ITPR2: variants seen among roughly 807,000 people sequenced by gnomAD.
ITPR2 encodes the protein inositol 1,4,5-trisphosphate receptor type 2.
Under a neutral mutation model 317.1 loss-of-function variants are expected in ITPR2, and 207 were observed. That is an observed-to-expected ratio of 0.65 (90% CI 0.58 to 0.73). The LOEUF is 0.73. Among genes scored for constraint, ITPR2 ranks in the 30% least tolerant of loss-of-function variants. The pLI is 0.00. For missense variants in ITPR2, 2,613 were observed against 3,284.0 expected, an observed-to-expected ratio of 0.80 and a Z score of 4.99; for synonymous variants, 1,156 against 1,149.1, an observed-to-expected ratio of 1.01 and a Z score of -0.12.
chr12:26,572,212 G>T (rs974241879), intron 34 of ITPR2, among the ~76,000 whole-genome samples: 1 of 152,114 alleles, frequency 6.6e-6, no homozygotes, highest in Non-Finnish European at 1.5e-5. Context: ...TAAAATGTCA[G>T]ACAGATCCCC....
intron 34 of ITPR2, among the ~76,000 whole-genome samples, chr12:26,565,527 T>TAGATAGACAGAC (rs368553155): frequency 3.0e-4 from 42 of 139,794 alleles, no homozygotes; most frequent in South Asian, 1.7e-3. Flanking sequence ...GATAGATAGA[T>TAGATAGACAGAC]AGACAGACAG....
intron 31 of ITPR2, 110 bp from the exon 32 acceptor site, chr12:26,595,700 G>A (rs577750278): frequency 1.2e-6 from 1 of 862,428 alleles, no homozygotes; most frequent in East Asian, 2.8e-5. Context: ...GTAGATCATA[G>A]CATAGTTTTG....
At chr12:26,482,979 T>C (rs1258945873) in intron 42 of ITPR2, among the ~76,000 whole-genome samples, 1 of 152,220 alleles carries the variant, frequency 6.6e-6, no homozygotes, top group Non-Finnish European at 1.5e-5. Context: ...GGTAGCTCCA[T>C]GATGCCTGAG....
At chr12:26,513,947 TC>T (rs34410163) in intron 37 of ITPR2, among the ~76,000 whole-genome samples, 80,813 of 152,020 alleles carry the variant, frequency 0.53, 22,260 homozygotes, top group South Asian at 0.65. Context: ...TTGTCATTTG[TC>T]CGTTTGTCCC....
Position 26,411,382 on chromosome 12 carries a change from G to A in ITPR2, c.7337C>T (p.Thr2446Ile). 3 of 1,613,490 alleles carry A rather than the reference G, an allele frequency of 1.9e-6. No homozygotes were observed. Among genetic ancestry groups the A allele is most frequent in the South Asian group, 2.2e-5 (2 of 91,084 alleles). ...GSHQVPTMTL[T>I]TMMEACAKEN... ...CTTGGCACATGCTTCCATCATGGTAGTTAAAGTCATAGTAGGCACTTGATG... is the reference window on the plus strand; with the variant it reads ...CTTGGCACATGCTTCCATCATGGTAATTAAAGTCATAGTAGGCACTTGATG... The change falls in exon 52 of 57, where the codon ACT becomes ATT. Residue 2446 changes from threonine to isoleucine, a missense_variant. This residue lies in a region of ITPR2 where 113 missense variants were observed against 129.2 expected (regional missense o/e 0.87). Coordinates refer to ENST00000381340, the MANE Select transcript of ITPR2 (RefSeq NM_002223.4).
At chr12:26,817,061 G>A (rs1334364697) in intron 1 of ITPR2, among the ~76,000 whole-genome samples, 4 of 151,428 alleles carry the variant, frequency 2.6e-5, no homozygotes, top group African/African-American at 9.7e-5. Context: ...TGCACCTGTA[G>A]TCCCAGCTAC....
chr12:26,413,089 A>T (rs1940601422), intron 51 of ITPR2, among the ~76,000 whole-genome samples: 1 of 152,174 alleles, frequency 6.6e-6, no homozygotes, highest in African/African-American at 2.4e-5. Context: ...GGTGTGGGTG[A>T]GAGAAACTGT....
chr12:26,629,023 C>T (rs1037190755), intron 22 of ITPR2, among the ~76,000 whole-genome samples: 20 of 152,132 alleles, frequency 1.3e-4, no homozygotes, highest in Admixed American at 1.3e-3. Context: ...ATTAATGGTG[C>T]CCCTACATTC....
chr12:26,767,482 ATG>A (rs1379401509), intron 2 of ITPR2, among the ~76,000 whole-genome samples: 32 of 152,352 alleles, frequency 2.1e-4, no homozygotes, highest in African/African-American at 7.7e-4. Flanking sequence ...TGTAAAATTG[ATG>A]TGTCACCACT....
At chr12:26,587,018 T>C (rs1332229663) in intron 32 of ITPR2, among the ~76,000 whole-genome samples, 1 of 151,548 alleles carries the variant, frequency 6.6e-6, no homozygotes, top group Non-Finnish European at 1.5e-5. Context: ...TTATTATATA[T>C]TAATATATTA....
At chr12:26,537,158 A>G (rs888029301) in intron 37 of ITPR2, among the ~76,000 whole-genome samples, 2 of 152,136 alleles carry the variant, frequency 1.3e-5, no homozygotes, top group Non-Finnish European at 2.9e-5. Context: ...TGGCAAGGCA[A>G]TGTCATGGTG....
chr12:26,396,981 TG>T (rs1165877212), intron 54 of ITPR2, among the ~76,000 whole-genome samples: 1 of 152,172 alleles, frequency 6.6e-6, no homozygotes, highest in Non-Finnish European at 1.5e-5. Flanking sequence ...CTAACTCTCC[TG>T]CTTTCATTAC....
At position 26,675,096 on chromosome 12, in the gene ITPR2, G is replaced by A. The variant is rs565026767; in HGVS notation, c.1409+6778C>T. On this transcript the variant is annotated intron_variant, in intron 13 of 56. Transcript: ENST00000381340. ...AAATAGGAACACTTTTACACTGTTG[G>A]TGGGACTGTAAACTAGTTCAACCAT... Among the ~76,000 whole-genome samples, 46 of 151,898 alleles carry A rather than the reference G, an allele frequency of 3.0e-4. 1 individual carries two copies. The highest frequency in any genetic ancestry group is 1.0e-3 in the African/African-American group (42 of 41,552).
rs1452098180 is a variant in ITPR2 at position 26,664,939 on chromosome 12, AAT to A, written c.1551+969_1551+970del. ...TATTTTCCTTTCCCAAATCAATAAG[AAT>A]ATGTGTATCAAGAACATGATTTTTA... On this transcript the variant is annotated intron_variant, in intron 14 of 56. Coordinates refer to ENST00000381340, the MANE Select transcript of ITPR2 (RefSeq NM_002223.4). Among the ~76,000 whole-genome samples, 6 of 152,324 alleles carry A rather than the reference AAT, an allele frequency of 3.9e-5. No homozygotes were observed. In the East Asian group the frequency reaches 9.6e-4, roughly 24 times the overall value.
intron 32 of ITPR2, among the ~76,000 whole-genome samples, chr12:26,587,636 G>A (rs563195584): frequency 6.6e-6 from 1 of 151,740 alleles, no homozygotes; most frequent in South Asian, 2.1e-4. Context: ...GTCACACAGG[G>A]GTTTTATTCT....
chr12:26,504,069 A>G (rs1399735990), intron 37 of ITPR2, among the ~76,000 whole-genome samples: 1 of 152,188 alleles, frequency 6.6e-6, no homozygotes, highest in Non-Finnish European at 1.5e-5. Flanking sequence ...GGTTTCAATC[A>G]CCCCTATTAC....
chr12:26,793,346 A>G (rs2137220658), intron 1 of ITPR2, among the ~76,000 whole-genome samples: 1 of 152,266 alleles, frequency 6.6e-6, no homozygotes, highest in Middle Eastern at 3.4e-3. Flanking sequence ...TGGCTGAATC[A>G]TTTGGGGAGT....
chr12:26,603,834 C>T (rs1285100289), intron 26 of ITPR2, among the ~76,000 whole-genome samples: 2 of 152,122 alleles, frequency 1.3e-5, no homozygotes, highest in African/African-American at 2.4e-5. Context: ...ATATGGAAAA[C>T]GGCAAGAACT....
intron 2 of ITPR2, among the ~76,000 whole-genome samples, chr12:26,758,492 C>T (rs978839077): frequency 2.0e-5 from 3 of 152,174 alleles, no homozygotes; most frequent in Non-Finnish European, 4.4e-5. Flanking sequence ...TTCTCCATTC[C>T]ATGGTCTTTC....
Sources: gnomAD v4.1 joint callset for allele counts (sites outside exome capture counted in the v4.1 genomes callset) on GRCh38, gnomAD v4.1.1 for gene constraint, gnomAD v4.1.1 regional missense constraint, MANE v1.5 for transcripts, NCBI Gene and HGNC (gene_info 2026-07-23, HGNC 2026-07-21) for gene names.